Variants in HTRA4 observed in about 807,000 individuals in gnomAD.
HTRA4 encodes the protein serine protease HTRA4.
In HTRA4, 46 loss-of-function variants were observed where a neutral mutation model predicts 49.1. The ratio of observed to expected loss-of-function variants is 0.94; its 90% CI spans 0.74 to 1.20. The LOEUF is 1.20. Ranked by LOEUF, HTRA4 falls within the 50% of genes most tolerant of loss-of-function variation. HTRA4 has a pLI of 0.00. For missense variants in HTRA4, 602 were observed against 636.9 expected, an observed-to-expected ratio of 0.95 and a Z score of 0.59; for synonymous variants, 261 against 264.0, an observed-to-expected ratio of 0.99 and a Z score of 0.11.
chr8:38,977,733 C>G (rs886927422), intron 3 of HTRA4, among the ~76,000 whole-genome samples: 2 of 152,060 alleles, frequency 1.3e-5, no homozygotes, highest in Non-Finnish European at 2.9e-5. Context: ...TAGAAATGAT[C>G]CTAGTCATCT....
Position 38,975,080 on chromosome 8 carries a change from G to T in HTRA4, c.516G>T (p.Ala172=), listed in dbSNP as rs756089916. ...PLRRNYNFIA[A]VVEKVAPSVV... is the part of the protein sequence containing the mutation. Reference sequence around the variant, plus strand: ...GGAGGAATTACAACTTCATCGCCGCGGTGGTGGAGAAGGTGGCGCCATCGG... The same window carrying T: ...GGAGGAATTACAACTTCATCGCCGCTGTGGTGGAGAAGGTGGCGCCATCGG... Residue 172 remains alanine (A), a synonymous_variant, in exon 2 of 9, where the codon GCG becomes GCT. Coordinates refer to ENST00000302495, the MANE Select transcript of HTRA4 (RefSeq NM_153692.4). The T allele has an allele frequency of 4.6e-5, 75 of 1,613,886 alleles. No homozygotes were observed. The highest frequency in any genetic ancestry group is 5.5e-5 in the Non-Finnish European group (65 of 1,180,034).
intron 8 of HTRA4, among the ~76,000 whole-genome samples, chr8:38,986,699 G>A (rs1345157758): frequency 2.6e-5 from 4 of 152,232 alleles, no homozygotes; most frequent in Non-Finnish European, 5.9e-5. Flanking sequence ...AGAGCAGAGA[G>A]CAGGGATGTG....
At chr8:38,987,469 C>T (rs1283477448) in intron 8 of HTRA4, among the ~76,000 whole-genome samples, 2 of 1,758 alleles carry the variant, frequency 1.1e-3, no homozygotes, top group African/African-American at 7.1e-3. Context: ...TAAGCTGGGG[C>T]GGGGGGGTGG....
chr8:38,988,551 G>A lies in HTRA4; in HGVS notation c.*453G>A, dbSNP rs1278016968. On this transcript the variant is annotated 3_prime_UTR_variant, in exon 9 of 9. Coordinates refer to ENST00000302495, the MANE Select transcript of HTRA4 (RefSeq NM_153692.4). ...TGCTGGGCTTAACACCCAGGTGATGGGTTGATTGATAGGTGCAGCAAACCA... is the reference window on the plus strand; with the variant it reads ...TGCTGGGCTTAACACCCAGGTGATGAGTTGATTGATAGGTGCAGCAAACCA... 1.3e-5 allele frequency: 2 copies of A among 152,722 alleles called. No individual in the cohort carries two copies. Among genetic ancestry groups the A allele is most frequent in the Non-Finnish European group, 2.9e-5 (2 of 68,528 alleles). 9.5% of individuals were successfully genotyped at this position (152,722 alleles called of 1,614,324 possible). A position where few individuals can be genotyped will look rare whatever the true frequency, so the allele number is the denominator to read the frequency against.
In HTRA4 at chr8:38,988,358, C is replaced by A; in HGVS notation, c.*260C>A. On this transcript the variant is annotated 3_prime_UTR_variant, in exon 9 of 9. Coordinates refer to ENST00000302495, the MANE Select transcript of HTRA4 (RefSeq NM_153692.4). ...ATGGATGGAGCTGGAAACCATTATC[C>A]TCAGCAAACTAACGCAGGAACAGAA... 1 of 273,730 alleles carries A rather than the reference C, an allele frequency of 3.7e-6. No individual in the cohort carries two copies. Among genetic ancestry groups the A allele is most frequent in the East Asian group, 7.9e-5 (1 of 12,712 alleles). The allele number at this position is 273,730 out of a possible 1,614,324, so 17.0% of individuals were successfully genotyped here.
chr8:38,986,424 A>G (rs1313019150), intron 8 of HTRA4, among the ~76,000 whole-genome samples: 1 of 152,076 alleles, frequency 6.6e-6, no homozygotes, highest in Non-Finnish European at 1.5e-5. Context: ...CTGGGATTAC[A>G]CACCTAGCTA....
intron 3 of HTRA4, among the ~76,000 whole-genome samples, chr8:38,977,566 T>G (rs1022363530): frequency 4.6e-5 from 7 of 152,226 alleles, no homozygotes; most frequent in Non-Finnish European, 8.8e-5. Flanking sequence ...AGTGTCACCC[T>G]GGGTGATCTC....
chr8:38,985,730 T>C (rs185782842), intron 8 of HTRA4, among the ~76,000 whole-genome samples: 2 of 152,342 alleles, frequency 1.3e-5, no homozygotes, highest in East Asian at 3.9e-4. Flanking sequence ...TCCTTGCTAC[T>C]CAGAATGTGG....
At chr8:38,986,559 C>T (rs994398199) in intron 8 of HTRA4, among the ~76,000 whole-genome samples, 1 of 152,206 alleles carries the variant, frequency 6.6e-6, no homozygotes, top group Non-Finnish European at 1.5e-5. Context: ...TGAGCCACTG[C>T]TCCTGGCCTA....
At chr8:38,983,504 C>T (rs187438846) in intron 8 of HTRA4, among the ~76,000 whole-genome samples, 28 of 151,504 alleles carry the variant, frequency 1.8e-4, no homozygotes, top group East Asian at 1.6e-3. Context: ...CCAGTCTGGG[C>T]GACAGAGCAA....
intron 8 of HTRA4, among the ~76,000 whole-genome samples, chr8:38,985,449 G>A (rs1835472989): frequency 6.6e-6 from 1 of 152,098 alleles, no homozygotes; most frequent in Non-Finnish European, 1.5e-5. Flanking sequence ...GTGAGCCACC[G>A]CCCGCGGTCT....
At chr8:38,977,875 C>A in intron 3 of HTRA4, 78 bp from the exon 4 acceptor site, 1 of 1,443,818 alleles carries the variant, frequency 6.9e-7, no homozygotes, top group Non-Finnish European at 9.6e-7. Flanking sequence ...ATGTGTTAGA[C>A]ACACACTTTG....
At chr8:38,980,641 G>A (rs1835406742) in intron 5 of HTRA4, among the ~76,000 whole-genome samples, 2 of 152,008 alleles carry the variant, frequency 1.3e-5, no homozygotes, top group African/African-American at 2.4e-5. Flanking sequence ...GGGAGGCTGA[G>A]GCAGGAGAAT....
At chr8:38,986,087 G>C (rs1054351536) in intron 8 of HTRA4, among the ~76,000 whole-genome samples, 3 of 152,132 alleles carry the variant, frequency 2.0e-5, no homozygotes, top group African/African-American at 7.2e-5. Context: ...TGTGAGCCCA[G>C]GAGTTTGAGG....
In HTRA4 at chr8:38,978,165, G is replaced by A; in HGVS notation, c.966+18G>A. ...CAATTAATGTAAGTCACTTAGGACA[G>A]AGGTGCCCAACCCATGGGCTGTGGA... On this transcript the variant is annotated intron_variant, in intron 4 of 8. Coordinates refer to ENST00000302495, the MANE Select transcript of HTRA4 (RefSeq NM_153692.4). The A allele has an allele frequency of 1.9e-6, 3 of 1,601,268 alleles. No homozygotes were observed. The South Asian group carries it at 3.4e-5, about 18-fold the overall frequency.
In HTRA4 at chr8:38,974,294, CTGGGACGA is replaced by C; in HGVS notation, c.34_41del (p.Gly12ProfsTer18). The C allele has an allele frequency of 6.2e-7, 1 of 1,612,472 alleles. No homozygotes were observed. The highest frequency in any genetic ancestry group is 1.3e-5 in the African/African-American group (1 of 75,012). On this transcript the variant is annotated frameshift_variant, in exon 1 of 9. Coordinates refer to ENST00000302495, the MANE Select transcript of HTRA4 (RefSeq NM_153692.4). LOFTEE classifies it high-confidence loss of function. ...TAGACCTCAGCTGCGGACCGCGGGG[CTGGGACGA>C]TGCCTCCTGCCGGGGCTGCTGCTGC...
chr8:38,974,386 C>G lies in HTRA4; in HGVS notation c.123C>G (p.Pro41=), dbSNP rs763715419. ...AGCTACATACCCAGCCCTCCTGCCCCGCGGTCTGCCAGCCCACGCGCTGCC... is the reference window on the plus strand; with the variant it reads ...AGCTACATACCCAGCCCTCCTGCCCGGCGGTCTGCCAGCCCACGCGCTGCC... ...AEKLHTQPSC[P]AVCQPTRCPA... is the part of the protein sequence containing the mutation. The change falls in exon 1 of 9, where the codon CCC becomes CCG. Residue 41 remains proline (P), a synonymous_variant. Transcript: ENST00000302495. The G allele has an allele frequency of 6.4e-7, 1 of 1,574,748 alleles. No homozygotes were observed. Among genetic ancestry groups the G allele is most frequent in the Non-Finnish European group, 8.6e-7 (1 of 1,161,962 alleles).
At chr8:38,984,664 G>A (rs542399157) in intron 8 of HTRA4, among the ~76,000 whole-genome samples, 6 of 152,058 alleles carry the variant, frequency 3.9e-5, no homozygotes, top group African/African-American at 7.2e-5. Context: ...TCAGAGAATC[G>A]CTTGAACCTG....
chr8:38,975,055 G>A lies in HTRA4; in HGVS notation c.491G>A (p.Arg164Lys). ...GGGACCAGAAGCGCAGGCCCGCTCAGGAGGAATTACAACTTCATCGCCGCG... is the reference window on the plus strand; with the variant it reads ...GGGACCAGAAGCGCAGGCCCGCTCAAGAGGAATTACAACTTCATCGCCGCG... The part of the protein sequence containing the change: ...DTGTRSAGPL[R>K]RNYNFIAAVV... Residue 164 changes from arginine to lysine, a missense_variant, in exon 2 of 9, where the codon AGG becomes AAG. Physicochemically the swap from Arg to Lys is conservative, Grantham distance 26. Transcript: ENST00000302495. 1 of 1,614,120 alleles carries A rather than the reference G, an allele frequency of 6.2e-7. No homozygotes were observed. The highest frequency in any genetic ancestry group is 8.5e-7 in the Non-Finnish European group (1 of 1,180,030).
Sources: allele counts gnomAD v4.1 joint callset (sites outside exome capture counted in the v4.1 genomes callset), GRCh38; gene constraint gnomAD v4.1.1; transcripts MANE v1.5; gene names NCBI Gene and HGNC (gene_info 2026-07-23, HGNC 2026-07-21).